The following VKORC1L1 variants were observed in gnomAD, a reference collection of about 807,000 sequenced individuals.
VKORC1L1 encodes vitamin K epoxide reductase complex subunit 1-like protein 1.
VKORC1L1 carries 2 observed loss-of-function variants against 18.9 expected under a neutral mutation model. That is an observed-to-expected ratio of 0.11 (90% confidence interval 0.04 to 0.33). The LOEUF is 0.33. Ranked by LOEUF, VKORC1L1 falls within the 10% of genes least tolerant of loss-of-function variation. The probability of loss-of-function intolerance (pLI) is 1.00; values close to 1 mark genes in which losing one functional copy is unlikely to be tolerated. For missense variants in VKORC1L1, 123 were observed against 224.1 expected (o/e 0.55, Z 2.88); for synonymous variants, 96 against 100.0 (o/e 0.96, Z 0.24).
chr7:65,900,192 A>G (rs1789290030), intron 1 of VKORC1L1, among the ~76,000 whole-genome samples: 1 of 150,346 alleles, frequency 6.7e-6, no homozygotes, highest in African/African-American at 2.5e-5. Context: ...GATCGAGACA[A>G]TCCTGGCTAA....
chr7:65,948,841 G>C, intron 2 of VKORC1L1, 61 bp downstream of exon 2: 1 of 1,363,320 alleles, frequency 7.3e-7, no homozygotes, highest in Non-Finnish European at 1.0e-6. Context: ...TTGTGTCTTT[G>C]CCCTGAAGTG....
intron 1 of VKORC1L1, among the ~76,000 whole-genome samples, chr7:65,877,881 C>T (rs1483088261): frequency 6.6e-6 from 1 of 152,086 alleles, no homozygotes; most frequent in African/African-American, 2.4e-5. Context: ...ATACTCAAGT[C>T]CCCACTGTGG....
intron 1 of VKORC1L1, 66 bp from the exon 2 acceptor site, chr7:65,948,605 A>G (rs1790158896): frequency 5.2e-6 from 3 of 582,436 alleles, no homozygotes; most frequent in African/African-American, 2.3e-5. Context: ...ACGTTCTCAA[A>G]TAATGATACA....
intron 1 of VKORC1L1, among the ~76,000 whole-genome samples, chr7:65,901,407 G>A (rs546655370): frequency 1.3e-5 from 2 of 152,270 alleles, no homozygotes; most frequent in African/African-American, 4.8e-5. Flanking sequence ...CTTGATTTGC[G>A]ATATGTATTC....
At chr7:65,892,423 A>G (rs1022068104) in intron 1 of VKORC1L1, among the ~76,000 whole-genome samples, 6 of 152,124 alleles carry the variant, frequency 3.9e-5, no homozygotes, top group African/African-American at 1.4e-4. Flanking sequence ...CCCTTTTTCC[A>G]CATCCTCACC....
At chr7:65,897,610 A>T (rs1054080371) in intron 1 of VKORC1L1, among the ~76,000 whole-genome samples, 2 of 152,186 alleles carry the variant, frequency 1.3e-5, no homozygotes, top group Non-Finnish European at 2.9e-5. Context: ...AAAAAAGACA[A>T]AATTGTGGTG....
chr7:65,895,479 AAATATATATATATATATATAT>A (rs1334675302), intron 1 of VKORC1L1, among the ~76,000 whole-genome samples: 28 of 32,386 alleles, frequency 8.6e-4, no homozygotes, highest in African/African-American at 5.1e-3. Context: ...AAAAAAAAAA[AAATATATATATATATATATAT>A]ATATATATAT....
At chr7:65,881,528 G>A (rs1346449453) in intron 1 of VKORC1L1, among the ~76,000 whole-genome samples, 2 of 152,222 alleles carry the variant, frequency 1.3e-5, no homozygotes, top group African/African-American at 4.8e-5. Context: ...TAAAGTGGTA[G>A]CATGAGGGAG....
chr7:65,902,516 T>G (rs1452336375), intron 1 of VKORC1L1, among the ~76,000 whole-genome samples: 2 of 152,014 alleles, frequency 1.3e-5, no homozygotes, highest in African/African-American at 4.8e-5. Flanking sequence ...TTGTTAGAGA[T>G]AGAAATAGTC....
At chr7:65,904,156 T>C (rs1329801128) in intron 1 of VKORC1L1, among the ~76,000 whole-genome samples, 6 of 152,176 alleles carry the variant, frequency 3.9e-5, no homozygotes, top group African/African-American at 1.2e-4. Context: ...GTAAAAGTTA[T>C]GACAATAGCC....
chr7:65,946,979 A>G lies in VKORC1L1; in HGVS notation c.195-1692A>G, dbSNP rs561638553. ...CAAAGCTGCAACTCTATAAAAAAAT[A>G]CCAAAAAAAAAATATATATATATAG... On this transcript the variant is annotated intron_variant, in intron 1 of 2. Transcript: ENST00000360768. 2.0e-5 allele frequency among the ~76,000 whole-genome samples: 3 copies of G among 147,316 alleles called. No homozygotes were observed. The South Asian group carries it at 6.7e-4, about 33-fold the overall frequency.
chr7:65,938,251 T>C (rs1789979024), intron 1 of VKORC1L1, among the ~76,000 whole-genome samples: 1 of 152,152 alleles, frequency 6.6e-6, no homozygotes, highest in Non-Finnish European at 1.5e-5. Context: ...ATGCTATTTA[T>C]GTAAAAGGAA....
At chr7:65,906,834 T>C (rs1789413980) in intron 1 of VKORC1L1, among the ~76,000 whole-genome samples, 1 of 152,136 alleles carries the variant, frequency 6.6e-6, no homozygotes, top group Non-Finnish European at 1.5e-5. Context: ...ACATTTGAGA[T>C]TTCATTTTGG....
At chr7:65,909,465 T>A (rs985663404) in intron 1 of VKORC1L1, among the ~76,000 whole-genome samples, 3 of 152,156 alleles carry the variant, frequency 2.0e-5, no homozygotes, top group African/African-American at 7.2e-5. Context: ...AAAGCAAGTC[T>A]CTTTAATCCT....
intron 1 of VKORC1L1, among the ~76,000 whole-genome samples, chr7:65,934,180 G>A (rs1192182499): frequency 6.6e-6 from 1 of 152,064 alleles, no homozygotes; most frequent in Non-Finnish European, 1.5e-5. Flanking sequence ...AGGATCACTT[G>A]AGGCCAGAAG....
intron 1 of VKORC1L1, among the ~76,000 whole-genome samples, chr7:65,921,992 C>A (rs901113342): frequency 1.4e-4 from 21 of 152,122 alleles, no homozygotes; most frequent in African/African-American, 4.8e-4. Context: ...TCTTTTAAAT[C>A]ATTACCCTGC....
chr7:65,943,449 C>G (rs1249238266), intron 1 of VKORC1L1, among the ~76,000 whole-genome samples: 1 of 152,088 alleles, frequency 6.6e-6, no homozygotes, highest in Non-Finnish European at 1.5e-5. Context: ...ATAATGAAAA[C>G]AGCAACTTAC....
At chr7:65,875,745 A>G (rs1788817018) in intron 1 of VKORC1L1, among the ~76,000 whole-genome samples, 1 of 152,168 alleles carries the variant, frequency 6.6e-6, no homozygotes, top group Admixed American at 6.6e-5. Context: ...AAAGCTGATT[A>G]TTGGACACCT....
intron 1 of VKORC1L1, among the ~76,000 whole-genome samples, chr7:65,941,215 A>C (rs1339568510): frequency 6.6e-6 from 1 of 152,184 alleles, no homozygotes; most frequent in East Asian, 1.9e-4. Context: ...TCCTGGGCTC[A>C]AGTGATCAGC....
Sources: allele counts gnomAD v4.1 joint callset (sites outside exome capture counted in the v4.1 genomes callset), GRCh38; gene constraint gnomAD v4.1.1; transcripts MANE v1.5; gene names NCBI Gene and HGNC (gene_info 2026-07-23, HGNC 2026-07-21).